The following PLPP1 variants were observed in gnomAD, a reference collection of about 807,000 sequenced individuals.
The protein encoded by PLPP1 is phospholipid phosphatase 1.
Under a neutral mutation model 31.2 loss-of-function variants are expected in PLPP1, and 24 were observed. The ratio of observed to expected loss-of-function variants is 0.77; its 90% CI spans 0.56 to 1.08. PLPP1 has a LOEUF of 1.08. Among genes scored for constraint, PLPP1 ranks in the 50% least tolerant of loss-of-function variants. PLPP1 has a pLI of 0.00. For synonymous variants in PLPP1, 146 were observed against 126.3 expected (o/e 1.16, Z -1.05); for missense variants, 319 against 342.7 (o/e 0.93, Z 0.55).
At chr5:55,503,592 A>G (rs1267219735) in intron 1 of PLPP1, among the ~76,000 whole-genome samples, 1 of 150,458 alleles carries the variant, frequency 6.6e-6, no homozygotes, top group African/African-American at 2.5e-5. Context: ...ACTGGCCAAC[A>G]TGGTAAAACC....
At chr5:55,476,272 C>T (rs1189932508) in intron 1 of PLPP1, among the ~76,000 whole-genome samples, 2 of 151,972 alleles carry the variant, frequency 1.3e-5, no homozygotes. Flanking sequence ...TAGCCTCAGC[C>T]TCCCAAAGTG....
intron 1 of PLPP1, among the ~76,000 whole-genome samples, chr5:55,504,440 G>A (rs575184112): frequency 4.2e-5 from 6 of 143,090 alleles, no homozygotes; most frequent in East Asian, 2.1e-4. Flanking sequence ...GAGGAGAAGC[G>A]CTTGAACCCA....
At chr5:55,426,849 A>G (rs1465707031) in intron 4 of PLPP1, among the ~76,000 whole-genome samples, 1 of 152,196 alleles carries the variant, frequency 6.6e-6, no homozygotes, top group Non-Finnish European at 1.5e-5. Context: ...TAACAAGGCA[A>G]CTGAGACTAA....
At chr5:55,441,383 C>A (rs779361393) in intron 4 of PLPP1, among the ~76,000 whole-genome samples, 4 of 152,184 alleles carry the variant, frequency 2.6e-5, no homozygotes, top group Non-Finnish European at 4.4e-5. Context: ...TGGTCCCTTG[C>A]AGAGCACTCT....
chr5:55,443,031 T>C lies in PLPP1; in HGVS notation c.492-1123A>G, dbSNP rs112789462. On this transcript the variant is annotated intron_variant, in intron 3 of 5. Transcript: ENST00000307259. The stretch of plus-strand genomic sequence containing the variant: ...GGGACCGGCTCTTAAGTAATTTACT[T>C]ATTACACTCTGCCTTGTTCAAAAGG... Among the ~76,000 whole-genome samples the C allele has an allele frequency of 5.8e-3, 887 of 151,738 alleles. 8 individuals carry two copies. Among genetic ancestry groups the C allele is most frequent in the African/African-American group, 0.021 (854 of 41,340 alleles).
chr5:55,443,192 A>AAAAAAATATATATATATAT, intron 3 of PLPP1, among the ~76,000 whole-genome samples: 11 of 25,432 alleles, frequency 4.3e-4, no homozygotes, highest in Admixed American at 1.6e-3. Context: ...AAAAAAAAAA[A>AAAAAAATATATATATATAT]ATATATATAT....
chr5:55,516,620 T>A (rs1295712815), intron 1 of PLPP1, among the ~76,000 whole-genome samples: 1 of 152,080 alleles, frequency 6.6e-6, no homozygotes, highest in East Asian at 1.9e-4. Flanking sequence ...TCAGATAAAC[T>A]AAAGCTGTGA....
intron 3 of PLPP1, among the ~76,000 whole-genome samples, chr5:55,458,454 A>G (rs1752069635): frequency 6.6e-6 from 1 of 152,158 alleles, no homozygotes; most frequent in Non-Finnish European, 1.5e-5. Context: ...ATGAAGATGT[A>G]TATTGTAACC....
At chr5:55,491,110 G>A in intron 1 of PLPP1, 10 of 1,611,552 alleles carry the variant, frequency 6.2e-6, no homozygotes, top group Non-Finnish European at 8.5e-6. Flanking sequence ...CCATAGGCAT[G>A]GAAGCTGTTG....
intron 1 of PLPP1, among the ~76,000 whole-genome samples, chr5:55,496,005 G>A (rs1482145965): frequency 2.0e-5 from 3 of 151,898 alleles, no homozygotes; most frequent in Non-Finnish European, 4.4e-5. Flanking sequence ...CCACAGGCAC[G>A]CGCCACCAAG....
intron 1 of PLPP1, among the ~76,000 whole-genome samples, chr5:55,517,721 C>A (rs576647599): frequency 1.3e-5 from 2 of 152,250 alleles, no homozygotes; most frequent in Non-Finnish European, 2.9e-5. Flanking sequence ...AATCTCTTTA[C>A]GGGACAGCAA....
intron 3 of PLPP1, among the ~76,000 whole-genome samples, chr5:55,449,754 A>T (rs1751854260): frequency 6.6e-6 from 1 of 152,212 alleles, no homozygotes; most frequent in African/African-American, 2.4e-5. Flanking sequence ...AAATTCAGTA[A>T]ATTAACTCTG....
At chr5:55,430,132 CG>C (rs1751313301) in intron 4 of PLPP1, among the ~76,000 whole-genome samples, 1 of 152,178 alleles carries the variant, frequency 6.6e-6, no homozygotes, top group Non-Finnish European at 1.5e-5. Flanking sequence ...CAGCCCATCA[CG>C]GTCACCACCA....
chr5:55,525,240 C>T (rs539111552), intron 1 of PLPP1, among the ~76,000 whole-genome samples: 1 of 152,218 alleles, frequency 6.6e-6, no homozygotes, highest in Non-Finnish European at 1.5e-5. Flanking sequence ...GACAAACATA[C>T]ATCATGCATA....
intron 1 of PLPP1, chr5:55,508,731 C>T (rs948051567): frequency 5.0e-4 from 77 of 154,050 alleles, no homozygotes; most frequent in African/African-American, 1.7e-3. Flanking sequence ...GCTGAGGTAT[C>T]ATAGGGAGGT....
intron 1 of PLPP1, among the ~76,000 whole-genome samples, chr5:55,519,062 C>T (rs1430135270): frequency 6.6e-6 from 1 of 151,984 alleles, no homozygotes; most frequent in African/African-American, 2.4e-5. Flanking sequence ...GGGGGGAAAT[C>T]CATAAAAAAA....
chr5:55,508,760 C>T (rs556373212), intron 1 of PLPP1: 17 of 154,294 alleles, frequency 1.1e-4, no homozygotes, highest in African/African-American at 4.1e-4. Context: ...GGGACTAAGA[C>T]AATGAAGAGT....
chr5:55,478,759 T>C (rs1752610709), intron 1 of PLPP1, among the ~76,000 whole-genome samples: 1 of 151,912 alleles, frequency 6.6e-6, no homozygotes, highest in Non-Finnish European at 1.5e-5. Flanking sequence ...GAGGTGGAGA[T>C]TGGTCCACAG....
intron 4 of PLPP1, among the ~76,000 whole-genome samples, chr5:55,432,430 T>C (rs1245221714): frequency 6.6e-6 from 1 of 152,184 alleles, no homozygotes; most frequent in African/African-American, 2.4e-5. Context: ...CAGGACCAAA[T>C]GGCTTTATTA....
Sources: gnomAD v4.1 joint callset for allele counts (sites outside exome capture counted in the v4.1 genomes callset) on GRCh38, gnomAD v4.1.1 for gene constraint, MANE v1.5 for transcripts, NCBI Gene and HGNC (gene_info 2026-07-23, HGNC 2026-07-21) for gene names.